Variants in CNTNAP5 observed in about 807,000 individuals in gnomAD.
CNTNAP5 encodes contactin-associated protein-like 5.
In CNTNAP5, 72 loss-of-function variants were observed where a neutral mutation model predicts 150.2. That is an observed-to-expected ratio of 0.48 (90% CI 0.40 to 0.58). CNTNAP5 has a LOEUF of 0.58. Among genes scored for constraint, CNTNAP5 ranks in the 20% least tolerant of loss-of-function variants. The pLI is 0.00. For missense variants in CNTNAP5, 1,636 were observed against 1,626.2 expected, an observed-to-expected ratio of 1.01 and a Z score of -0.10; for synonymous variants, 672 against 619.8, an observed-to-expected ratio of 1.08 and a Z score of -1.25.
rs1558803854 is a variant in CNTNAP5, at chr2:124,860,476, CTTCCTTCCTTCCTTCCTTCCTTCCTTCT to C, written c.3218-4802_3218-4775del. ...CTTTCCTTCCTTCCTTCCTTCCTTC[CTTCCTTCCTTCCTTCCTTCCTTCCTTCT>C]TTCCTTCCTTCCTTCCTTCCTTCCT... On this transcript the variant is annotated intron_variant, in intron 19 of 23. Transcript: ENST00000682447. 6.7e-4 allele frequency among the ~76,000 whole-genome samples: 61 copies of C among 91,130 alleles called. 1 individual carries two copies. The highest frequency in any genetic ancestry group is 2.9e-3 in the African/African-American group (49 of 16,748). The allele number at this position is 91,130 out of a possible 152,430, so 59.8% of individuals were successfully genotyped here.
chr2:124,410,056 A>G (rs1372579241), intron 3 of CNTNAP5, among the ~76,000 whole-genome samples: 2 of 152,134 alleles, frequency 1.3e-5, no homozygotes, highest in Non-Finnish European at 2.9e-5. Context: ...CAAATGGAAA[A>G]CAAAAAAAGG....
chr2:124,354,471 A>G (rs185084822), intron 3 of CNTNAP5, among the ~76,000 whole-genome samples: 1 of 152,216 alleles, frequency 6.6e-6, no homozygotes, highest in African/African-American at 2.4e-5. Flanking sequence ...GCAGGGGCAG[A>G]TATTTTTAGT....
At chr2:124,734,806 AG>A in intron 13 of CNTNAP5, among the ~76,000 whole-genome samples, 1 of 152,270 alleles carries the variant, frequency 6.6e-6, no homozygotes, top group Non-Finnish European at 1.5e-5. Flanking sequence ...GTAGCTCATT[AG>A]TGTTTAGCAA....
intron 11 of CNTNAP5, among the ~76,000 whole-genome samples, chr2:124,598,746 G>A (rs1210609310): frequency 7.2e-5 from 11 of 151,914 alleles, no homozygotes; most frequent in Non-Finnish European, 1.5e-4. Context: ...CCCCAGCCTC[G>A]CTGCCGCCTT....
At chr2:124,548,824 A>G (rs1417403281) in intron 10 of CNTNAP5, among the ~76,000 whole-genome samples, 1 of 152,190 alleles carries the variant, frequency 6.6e-6, no homozygotes, top group Non-Finnish European at 1.5e-5. Flanking sequence ...AGAAACAGGG[A>G]CACTAAATCT....
At chr2:124,554,927 T>C (rs1323780661) in intron 10 of CNTNAP5, among the ~76,000 whole-genome samples, 1 of 152,186 alleles carries the variant, frequency 6.6e-6, no homozygotes, top group Non-Finnish European at 1.5e-5. Context: ...AGATATTCAT[T>C]GTTAGACTTA....
chr2:124,778,852 A>G (rs1027525129), intron 17 of CNTNAP5, among the ~76,000 whole-genome samples: 3 of 152,192 alleles, frequency 2.0e-5, no homozygotes, highest in Non-Finnish European at 2.9e-5. Context: ...AAAAGAAAAA[A>G]AAAAAAGAGT....
intron 3 of CNTNAP5, among the ~76,000 whole-genome samples, chr2:124,323,367 C>G (rs920887960): frequency 6.6e-6 from 1 of 152,150 alleles, no homozygotes; most frequent in African/African-American, 2.4e-5. Flanking sequence ...AAGACCTACT[C>G]TTATAAACAA....
chr2:124,748,329 A>C (rs778254609), intron 14 of CNTNAP5, among the ~76,000 whole-genome samples: 1 of 152,116 alleles, frequency 6.6e-6, no homozygotes, highest in Non-Finnish European at 1.5e-5. Flanking sequence ...CTGCAGCCAG[A>C]GTTTCTTAGT....
intron 1 of CNTNAP5, among the ~76,000 whole-genome samples, chr2:124,032,990 C>G (rs1209004817): frequency 6.6e-6 from 1 of 152,146 alleles, no homozygotes; most frequent in Non-Finnish European, 1.5e-5. Flanking sequence ...CCCCCTCTGA[C>G]AGGGGGATAA....
chr2:124,388,341 A>C, intron 3 of CNTNAP5, among the ~76,000 whole-genome samples: 1 of 151,726 alleles, frequency 6.6e-6, no homozygotes, highest in African/African-American at 2.4e-5. Flanking sequence ...CTACCACCAG[A>C]ACCCTGTGTT....
intron 3 of CNTNAP5, among the ~76,000 whole-genome samples, chr2:124,407,074 T>G (rs559444816): frequency 1.4e-3 from 212 of 152,346 alleles, no homozygotes; most frequent in Non-Finnish European, 2.4e-3. Context: ...CTACATTTCC[T>G]CTAACTATTC....
intron 6 of CNTNAP5, among the ~76,000 whole-genome samples, chr2:124,458,170 C>T (rs765573182): frequency 2.2e-4 from 24 of 106,730 alleles, no homozygotes; most frequent in African/African-American, 8.2e-4. Context: ...ACTCAAATGC[C>T]CATCAATCAA....
intron 1 of CNTNAP5, among the ~76,000 whole-genome samples, chr2:124,175,701 T>C (rs1450493579): frequency 6.6e-6 from 1 of 152,194 alleles, no homozygotes; most frequent in Non-Finnish European, 1.5e-5. Context: ...TCTGTTCCCA[T>C]GTTAATTTGC....
intron 12 of CNTNAP5, among the ~76,000 whole-genome samples, chr2:124,633,508 C>T (rs1677907568): frequency 6.6e-6 from 1 of 152,182 alleles, no homozygotes; most frequent in Non-Finnish European, 1.5e-5. Flanking sequence ...AAGCTCTGCC[C>T]CTCCGGCTTT....
chr2:124,320,342 T>C (rs910041246), intron 3 of CNTNAP5, among the ~76,000 whole-genome samples: 17 of 148,496 alleles, frequency 1.1e-4, no homozygotes, highest in African/African-American at 3.9e-4. Flanking sequence ...GGTTCTACTT[T>C]TTAATAGATC....
At chr2:124,683,507 C>A (rs1387879741) in intron 13 of CNTNAP5, among the ~76,000 whole-genome samples, 1 of 152,074 alleles carries the variant, frequency 6.6e-6, no homozygotes, top group Non-Finnish European at 1.5e-5. Flanking sequence ...ACGCTGTACC[C>A]AATGTGTAGT....
intron 17 of CNTNAP5, among the ~76,000 whole-genome samples, chr2:124,784,850 T>C (rs537702911): frequency 1.1e-4 from 17 of 152,250 alleles, no homozygotes; most frequent in African/African-American, 4.1e-4. Flanking sequence ...TAAGTTTTCT[T>C]AGGCAATGTG....
At chr2:124,320,365 C>A (rs941618845) in intron 3 of CNTNAP5, among the ~76,000 whole-genome samples, 10 of 152,148 alleles carry the variant, frequency 6.6e-5, no homozygotes, top group Non-Finnish European at 1.3e-4. Context: ...GAGTGATATC[C>A]CATTGTCACT....
Sources: allele counts gnomAD v4.1 joint callset (sites outside exome capture counted in the v4.1 genomes callset), GRCh38; gene constraint gnomAD v4.1.1; transcripts MANE v1.5; gene names NCBI Gene and HGNC (gene_info 2026-07-23, HGNC 2026-07-21).